Variants in MCTP1 observed in about 807,000 individuals in gnomAD.
MCTP1 encodes multiple C2 and transmembrane domain-containing protein 1.
A neutral mutation model predicts 120.6 loss-of-function variants in MCTP1; 69 were observed. That is an observed-to-expected ratio of 0.57 (90% CI 0.47 to 0.70). The LOEUF is 0.70. Among genes scored for constraint, MCTP1 ranks in the 30% least tolerant of loss-of-function variants. MCTP1 has a pLI of 0.00. For synonymous variants in MCTP1, 529 were observed against 493.1 expected (o/e 1.07, Z -0.96); for missense variants, 1,203 against 1,248.8 (o/e 0.96, Z 0.55).
intron 19 of MCTP1, among the ~76,000 whole-genome samples, chr5:94,778,172 T>G (rs2152931639): frequency 6.6e-6 from 1 of 152,180 alleles, no homozygotes; most frequent in African/African-American, 2.4e-5. Flanking sequence ...AATATACTGT[T>G]TTCCTCCTTT....
intron 10 of MCTP1, among the ~76,000 whole-genome samples, chr5:94,904,050 A>C (rs575928770): frequency 3.3e-5 from 5 of 152,368 alleles, no homozygotes; most frequent in Admixed American, 1.3e-4. Context: ...GCAGGTGATC[A>C]GAAAGTTAAA....
At chr5:95,161,206 A>C (rs1745699503) in intron 1 of MCTP1, among the ~76,000 whole-genome samples, 1 of 152,168 alleles carries the variant, frequency 6.6e-6, no homozygotes, top group Non-Finnish European at 1.5e-5. Context: ...GTCCATCATC[A>C]GATGCACGGA....
At chr5:94,941,394 T>A (rs1426851251) in intron 4 of MCTP1, among the ~76,000 whole-genome samples, 1 of 152,102 alleles carries the variant, frequency 6.6e-6, no homozygotes, top group African/African-American at 2.4e-5. Flanking sequence ...TTGTCCAGTC[T>A]GAGGCAACAA....
Position 95,284,360 on chromosome 5 carries a change from A to G in MCTP1, c.216T>C (p.Ser72=), listed in dbSNP as rs762019128. ...VGTGNAPARG[S]GAGSRWSGFK... Reference sequence around the variant, plus strand: ...AGCCGCTCCACCTGCTGCCTGCACCACTCCCCCTGGCCGGTGCATTCCCTG... The same window carrying G: ...AGCCGCTCCACCTGCTGCCTGCACCGCTCCCCCTGGCCGGTGCATTCCCTG... The change falls in exon 1 of 23, where the codon AGT becomes AGC. Residue 72 remains serine (S), a synonymous_variant. Coordinates refer to ENST00000515393, the MANE Select transcript of MCTP1 (RefSeq NM_024717.7). The surrounding 1 kb of genome is among the most constrained non-coding windows in gnomAD (Gnocchi z 5.2). 9 of 1,595,112 alleles carry G rather than the reference A, an allele frequency of 5.6e-6. No individual in the cohort carries two copies. Among genetic ancestry groups the G allele is most frequent in the Non-Finnish European group, 7.6e-6 (9 of 1,178,784 alleles).
intron 1 of MCTP1, among the ~76,000 whole-genome samples, chr5:95,079,091 T>A (rs997899691): frequency 1.3e-5 from 2 of 152,146 alleles, no homozygotes; most frequent in African/African-American, 4.8e-5. Context: ...CTAATTTGAG[T>A]ATCTCAACTA....
chr5:95,027,233 T>G (rs1839422429), intron 1 of MCTP1, among the ~76,000 whole-genome samples: 1 of 152,198 alleles, frequency 6.6e-6, no homozygotes. Flanking sequence ...TCAGCCGTGG[T>G]GTCTAATTTA....
At chr5:94,719,636 G>A (rs1265438138) in intron 19 of MCTP1, among the ~76,000 whole-genome samples, 1 of 152,124 alleles carries the variant, frequency 6.6e-6, no homozygotes, top group East Asian at 1.9e-4. Flanking sequence ...ATAGACAAAG[G>A]GAGGGGAACA....
At chr5:94,940,383 C>T (rs746139182) in intron 4 of MCTP1, among the ~76,000 whole-genome samples, 188 bp from the exon 5 acceptor site, 2 of 87,818 alleles carry the variant, frequency 2.3e-5, no homozygotes, top group African/African-American at 8.9e-5. Flanking sequence ...GATCTGAATA[C>T]ACCAGATGAA....
intron 10 of MCTP1, among the ~76,000 whole-genome samples, chr5:94,905,990 G>T (rs999237107): frequency 6.6e-6 from 1 of 151,442 alleles, no homozygotes; most frequent in Non-Finnish European, 1.5e-5. Flanking sequence ...AGGAGCATGC[G>T]GTGTCCTGGA....
At chr5:95,086,430 G>C (rs182882698) in intron 1 of MCTP1, among the ~76,000 whole-genome samples, 80 of 152,292 alleles carry the variant, frequency 5.3e-4, no homozygotes, top group Non-Finnish European at 1.0e-3. Context: ...TTTTACAGTA[G>C]TGTAATAAGA....
chr5:94,827,947 C>T (rs1787586836), intron 17 of MCTP1, among the ~76,000 whole-genome samples: 1 of 151,934 alleles, frequency 6.6e-6, no homozygotes, highest in South Asian at 2.1e-4. Flanking sequence ...TTATTACCCA[C>T]CTTCTGAAGC....
chr5:95,059,245 A>T (rs1055523827), intron 1 of MCTP1, among the ~76,000 whole-genome samples: 1 of 152,084 alleles, frequency 6.6e-6, no homozygotes, highest in Admixed American at 6.5e-5. Context: ...ACAGAAAGTA[A>T]TCATGTCCTT....
intron 1 of MCTP1, among the ~76,000 whole-genome samples, chr5:95,063,813 G>A (rs1749892977): frequency 1.6e-5 from 1 of 63,734 alleles, no homozygotes. Flanking sequence ...GCCTAGGCTG[G>A]TCATTTTTTA....
intron 19 of MCTP1, among the ~76,000 whole-genome samples, chr5:94,743,629 ACATTT>A (rs1200083515): frequency 1.7e-5 from 2 of 117,156 alleles, no homozygotes; most frequent in African/African-American, 3.3e-5. Context: ...CTCAAAATCC[ACATTT>A]TTTTTTTTTT....
chr5:95,039,640 T>C (rs937710639), intron 1 of MCTP1, among the ~76,000 whole-genome samples: 1 of 152,082 alleles, frequency 6.6e-6, no homozygotes, highest in Admixed American at 6.6e-5. Context: ...TAGAGAAAGG[T>C]GTCTCACAAG....
intron 10 of MCTP1, among the ~76,000 whole-genome samples, chr5:94,908,626 C>A (rs1226229835): frequency 6.6e-6 from 1 of 151,744 alleles, no homozygotes; most frequent in Admixed American, 6.6e-5. Flanking sequence ...ATATAACTAT[C>A]AAAAAATATA....
chr5:95,193,556 T>C (rs1750053733), intron 1 of MCTP1, among the ~76,000 whole-genome samples: 1 of 152,178 alleles, frequency 6.6e-6, no homozygotes, highest in Admixed American at 6.5e-5. Flanking sequence ...TAAGATAATG[T>C]CCTTTGTCAT....
rs146757104 is a variant in MCTP1 at position 95,141,806 on chromosome 5, A to C, written c.721-124322T>G. On this transcript the variant is annotated intron_variant, in intron 1 of 22. Coordinates refer to ENST00000515393, the MANE Select transcript of MCTP1 (RefSeq NM_024717.7). The stretch of plus-strand genomic sequence containing the variant: ...AAACATAAAATATGTTTAGAGCAGG[A>C]TTTTTATTAATGTAGTTCAGACACT... Among the ~76,000 whole-genome samples the C allele has an allele frequency of 5.2e-3, 798 of 152,146 alleles. 17 individuals carry two copies. The highest frequency in any genetic ancestry group is 0.047 in the Admixed American group (716 of 15,288).
chr5:94,778,944 T>C (rs1462590674), intron 19 of MCTP1, among the ~76,000 whole-genome samples, 166 bp downstream of exon 19: 3 of 152,184 alleles, frequency 2.0e-5, no homozygotes. Flanking sequence ...ATTTATAGCC[T>C]TCTCTCCCTC....
Sources: gnomAD v4.1 joint callset for allele counts (sites outside exome capture counted in the v4.1 genomes callset) on GRCh38, gnomAD v4.1.1 for gene constraint, Gnocchi (gnomAD v3.1) non-coding constraint, MANE v1.5 for transcripts, NCBI Gene and HGNC (gene_info 2026-07-23, HGNC 2026-07-21) for gene names.